F11R: variants seen among roughly 807,000 people sequenced by gnomAD.
F11R encodes the protein F11 receptor, also known as junctional adhesion molecule A.
A neutral mutation model predicts 39.3 loss-of-function variants in F11R; 27 were observed. That is an observed-to-expected ratio of 0.69 (90% CI 0.51 to 0.95). The LOEUF is 0.95. Among genes scored for constraint, F11R ranks in the 40% least tolerant of loss-of-function variants. The pLI, the probability that F11R is intolerant of heterozygous loss-of-function variation, is 0.00. For missense variants in F11R, 335 were observed against 372.7 expected (o/e 0.90, Z 0.83); for synonymous variants, 131 against 144.9 (o/e 0.90, Z 0.69).
intron 1 of F11R, among the ~76,000 whole-genome samples, chr1:161,014,886 G>A (rs1452662362): frequency 1.3e-5 from 2 of 149,604 alleles, no homozygotes; most frequent in African/African-American, 2.5e-5. Context: ...TGGCTAACAT[G>A]GTGAAATCCC....
rs760671218 is a variant in F11R, at chr1:161,000,365, C to A, written c.389-17G>T. 2.5e-6 allele frequency: 4 copies of A among 1,612,124 alleles called. No homozygotes were observed. The highest frequency in any genetic ancestry group is 1.3e-5 in the African/African-American group (1 of 74,866). ...ATGGAGGCACTGTGGAAGAGAAAGA[C>A]AGAAGGTGCTGAGTACAGGGTGGGG... On this transcript the variant is annotated splice_polypyrimidine_tract_variant and intron_variant, in intron 4 of 9. Coordinates refer to ENST00000368026, the MANE Select transcript of F11R (RefSeq NM_016946.6).
At chr1:161,017,412 A>T (rs1354495649) in intron 1 of F11R, among the ~76,000 whole-genome samples, 1 of 152,128 alleles carries the variant, frequency 6.6e-6, no homozygotes, top group African/African-American at 2.4e-5. Flanking sequence ...ATAGGGAAAA[A>T]CCGCCTTAAG....
chr1:160,999,086 G>C lies in F11R; in HGVS notation c.821C>G (p.Ser274Trp). 6.2e-7 allele frequency: 1 copy of C among 1,614,150 alleles called. No homozygotes were observed. Reference protein sequence around the residue: ...GHFDRTKKGTSSKKVIYSQPS... With the variant: ...GHFDRTKKGTWSKKVIYSQPS... ...CTGGCTGTAAATCACCTTCTTACTCGAAGTCCTGTGAACAAGCCAGAAGAC... is the reference window on the plus strand; with the variant it reads ...CTGGCTGTAAATCACCTTCTTACTCCAAGTCCTGTGAACAAGCCAGAAGAC... Residue 274 changes from serine to tryptophan, a missense_variant, in exon 9 of 10, where the codon TCG becomes TGG. Coordinates refer to ENST00000368026, the MANE Select transcript of F11R (RefSeq NM_016946.6).
intron 1 of F11R, among the ~76,000 whole-genome samples, chr1:161,009,020 T>C (rs1162798406): frequency 2.0e-5 from 3 of 152,196 alleles, no homozygotes; most frequent in Non-Finnish European, 4.4e-5. Flanking sequence ...CACTCTACTG[T>C]TGCAATTTAC....
intron 1 of F11R, among the ~76,000 whole-genome samples, chr1:161,006,146 AAG>A (rs943321056): frequency 5.4e-5 from 8 of 148,902 alleles, no homozygotes; most frequent in African/African-American, 2.0e-4. Context: ...TCAAAAAAAA[AAG>A]GGGGGGGGCA....
intron 1 of F11R, among the ~76,000 whole-genome samples, chr1:161,018,309 C>T (rs2101992500): frequency 6.6e-6 from 1 of 152,344 alleles, no homozygotes; most frequent in South Asian, 2.1e-4. Context: ...TCCTCCCTGA[C>T]AGCAGAGCCC....
chr1:161,011,860 C>G (rs959473198), intron 1 of F11R, among the ~76,000 whole-genome samples: 1 of 151,932 alleles, frequency 6.6e-6, no homozygotes, highest in Non-Finnish European at 1.5e-5. Flanking sequence ...ATTTTATTTT[C>G]TCCATAGTCC....
In F11R at chr1:160,999,639, C is replaced by T. The variant is rs766934825; in HGVS notation, c.802+1G>A. The T allele has an allele frequency of 1.2e-6, 2 of 1,613,556 alleles. No individual in the cohort carries two copies. Among genetic ancestry groups the T allele is most frequent in the Non-Finnish European group, 8.5e-7 (1 of 1,179,476 alleles). On this transcript the variant is annotated splice_donor_variant, in intron 7 of 9. Coordinates refer to ENST00000368026, the MANE Select transcript of F11R (RefSeq NM_016946.6). LOFTEE classifies it high-confidence loss of function. ...GAGAGCCTCTGGGGGCAGATACTTA[C>T]TGTCAAAGTGGCCTCGGCTATAGGC...
rs377036920 is a variant in F11R, at chr1:160,999,400, T to C, written c.811A>G (p.Lys271Glu). 3.9e-5 allele frequency: 63 copies of C among 1,614,088 alleles called. No individual in the cohort carries two copies. Among genetic ancestry groups the C allele is most frequent in the Non-Finnish European group, 5.3e-5 (62 of 1,180,048 alleles). The change falls in exon 8 of 10, where the codon AAA becomes GAA. Residue 271 changes from lysine to glutamate, a missense_variant. Transcript: ENST00000368026. ...YSRGHFDRTKKGTSSKKVIYS... is the reference protein window; with the variant it reads ...YSRGHFDRTKEGTSSKKVIYS... The stretch of plus-strand genomic sequence containing the variant: ...CCAGGACAGCACCTCACTCACCCTT[T>C]CTTTGTTCCTGAAAGAGAAGAAATG...
chr1:161,009,458 CAA>C (rs60908472), intron 1 of F11R, among the ~76,000 whole-genome samples: 72 of 139,066 alleles, frequency 5.2e-4, no homozygotes, highest in Non-Finnish European at 4.4e-4. Context: ...CCATCTGTAC[CAA>C]AAAAAAAAAA....
intron 1 of F11R, among the ~76,000 whole-genome samples, chr1:161,017,076 C>G (rs1649502781): frequency 6.6e-6 from 1 of 152,110 alleles, no homozygotes; most frequent in Admixed American, 6.6e-5. Flanking sequence ...CAGCATGCTC[C>G]TTAAGAGTCA....
At position 161,000,434 on chromosome 1, in the gene F11R, A is replaced by G. The variant is rs1229782280; in HGVS notation, c.389-86T>C. 2.1e-6 allele frequency: 3 copies of G among 1,462,218 alleles called. No homozygotes were observed. In the African/African-American group the frequency reaches 4.2e-5, roughly 20 times the overall value. 90.6% of individuals were successfully genotyped at this position (1,462,218 alleles called of 1,614,324 possible). ...ACCAACTACAATGGTACCCCCAACT[A>G]CTCAGCTCAAGCCTCCTACTCTCAC... On this transcript the variant is annotated intron_variant, in intron 4 of 9. Coordinates refer to ENST00000368026, the MANE Select transcript of F11R (RefSeq NM_016946.6).
At chr1:161,017,209 C>T (rs1408671650) in intron 1 of F11R, among the ~76,000 whole-genome samples, 1 of 152,116 alleles carries the variant, frequency 6.6e-6, no homozygotes, top group Non-Finnish European at 1.5e-5. Flanking sequence ...GAAATATGGC[C>T]TCGTGGGAAG....
rs1648145377 is a variant in F11R, at chr1:160,996,723, A to T, written c.*2148T>A. The T allele has an allele frequency of 6.6e-6, 1 of 152,260 alleles. No individual in the cohort carries two copies. Among genetic ancestry groups the T allele is most frequent in the South Asian group, 2.1e-4 (1 of 4,832 alleles). The allele number at this position is 152,260 out of a possible 1,614,324, so 9.4% of individuals were successfully genotyped here. A position where few individuals can be genotyped will look rare whatever the true frequency, so the allele number is the denominator to read the frequency against. On this transcript the variant is annotated 3_prime_UTR_variant, in exon 10 of 10. Coordinates refer to ENST00000368026, the MANE Select transcript of F11R (RefSeq NM_016946.6). ...GGAGGTTACAGTGAGCCAAGATCATACCACTGCACTCCAGCCTGGGTGACA... is the reference window on the plus strand; with the variant it reads ...GGAGGTTACAGTGAGCCAAGATCATTCCACTGCACTCCAGCCTGGGTGACA...
rs1648252772 is a variant in F11R at position 160,998,430 on chromosome 1, T to G, written c.*441A>C. The stretch of plus-strand genomic sequence containing the variant: ...CATTTCAGCCGCTCTAGCCTCTAAT[T>G]CCCGCTCTAGAACAGCTGGCCCTGG... On this transcript the variant is annotated 3_prime_UTR_variant, in exon 10 of 10. Coordinates refer to ENST00000368026, the MANE Select transcript of F11R (RefSeq NM_016946.6). 4.6e-6 allele frequency: 1 copy of G among 216,920 alleles called. No individual in the cohort carries two copies. Among genetic ancestry groups the G allele is most frequent in the Admixed American group, 5.2e-5 (1 of 19,208 alleles). The allele number at this position is 216,920 out of a possible 1,614,324, so 13.4% of individuals were successfully genotyped here.
intron 8 of F11R, 128 bp from the exon 9 acceptor site, chr1:160,999,219 G>GT: frequency 7.8e-7 from 1 of 1,289,852 alleles, no homozygotes; most frequent in Non-Finnish European, 1.0e-6. Flanking sequence ...AGGTATGGGT[G>GT]GGGTAACAGG....
intron 1 of F11R, among the ~76,000 whole-genome samples, chr1:161,009,459 A>G (rs1442093004): frequency 2.5e-5 from 2 of 78,534 alleles, no homozygotes; most frequent in South Asian, 6.2e-4. Context: ...CATCTGTACC[A>G]AAAAAAAAAA....
In F11R at chr1:160,996,018, G is replaced by A. The variant is rs1457619990; in HGVS notation, c.*2853C>T. 6.6e-6 allele frequency: 1 copy of A among 152,188 alleles called. No homozygotes were observed. The highest frequency in any genetic ancestry group is 1.9e-4 in the East Asian group (1 of 5,324). 9.4% of individuals were successfully genotyped at this position (152,188 alleles called of 1,614,324 possible). A position where few individuals can be genotyped will look rare whatever the true frequency, so the allele number is the denominator to read the frequency against. On this transcript the variant is annotated 3_prime_UTR_variant, in exon 10 of 10. Coordinates refer to ENST00000368026, the MANE Select transcript of F11R (RefSeq NM_016946.6). The stretch of plus-strand genomic sequence containing the variant: ...TAACATAGGAAATGTCCATTGTGGG[G>A]TTATTTGCATTTAAACACAGGCCAA...
rs191764210 is a variant in F11R, at chr1:160,999,115, G to A, written c.816-24C>T. 5.0e-6 allele frequency: 8 copies of A among 1,614,166 alleles called. No homozygotes were observed. The South Asian group carries it at 7.7e-5, about 16-fold the overall frequency. ...TCCTGTGAACAAGCCAGAAGACAGA[G>A]ACACTCAGCCACCTAGGTGCTTATT... On this transcript the variant is annotated intron_variant, in intron 8 of 9. Transcript: ENST00000368026.
Sources: gnomAD v4.1 joint callset for allele counts (sites outside exome capture counted in the v4.1 genomes callset) on GRCh38, gnomAD v4.1.1 for gene constraint, MANE v1.5 for transcripts, NCBI Gene and HGNC (gene_info 2026-07-23, HGNC 2026-07-21) for gene names.